NAA11: variants seen among roughly 807,000 people sequenced by gnomAD.
NAA11 encodes N-alpha-acetyltransferase 11, NatA catalytic subunit, also known as N-alpha-acetyltransferase 11.
In NAA11, 15 loss-of-function variants were observed where a neutral mutation model predicts 16.1. That is an observed-to-expected ratio of 0.93 (90% confidence interval 0.62 to 1.44). The LOEUF is 1.44. NAA11 is among the 40% of genes most tolerant of loss of function. The pLI, the probability that NAA11 is intolerant of heterozygous loss-of-function variation, is 0.00. For missense variants in NAA11, 298 were observed against 291.3 expected (o/e 1.02, Z -0.17); for synonymous variants, 122 against 112.4 (o/e 1.09, Z -0.54).
chr4:79,285,145 T>A (rs535361468), intron 2 of NAA11, among the ~76,000 whole-genome samples: 1 of 152,226 alleles, frequency 6.6e-6, no homozygotes, highest in African/African-American at 2.4e-5. Context: ...CAACTACTGC[T>A]TTCAACAAAA....
At chr4:79,181,121 C>A in the NAA11 span, among the ~76,000 whole-genome samples, 1 of 151,556 alleles carries the variant, frequency 6.6e-6, no homozygotes, top group Admixed American at 6.6e-5. Context: ...GGAGGTATAC[C>A]TAATGTAAAT....
downstream of NAA11, among the ~76,000 whole-genome samples, chr4:79,315,973 T>A (rs1723916290): frequency 6.6e-6 from 1 of 152,228 alleles, no homozygotes; most frequent in Non-Finnish European, 1.5e-5. Flanking sequence ...CCAATTGTTT[T>A]AGTAAATAAC....
At chr4:79,281,228 A>G (rs550275698) in intron 2 of NAA11, among the ~76,000 whole-genome samples, 4 of 151,900 alleles carry the variant, frequency 2.6e-5, no homozygotes, top group Non-Finnish European at 2.9e-5. Context: ...GCATTTAACT[A>G]TTACATTCTA....
chr4:79,161,487 G>A, the NAA11 span, among the ~76,000 whole-genome samples: 1 of 152,164 alleles, frequency 6.6e-6, no homozygotes, highest in Middle Eastern at 3.4e-3. Context: ...TTCCAAGGGT[G>A]TTTTTTGCTA....
the NAA11 span, among the ~76,000 whole-genome samples, chr4:79,158,221 C>T: frequency 6.6e-6 from 1 of 151,894 alleles, no homozygotes; most frequent in Non-Finnish European, 1.5e-5. Flanking sequence ...AGATCTTATG[C>T]CTCCAAAAAG....
intron 2 of NAA11, among the ~76,000 whole-genome samples, chr4:79,291,436 G>A (rs116273715): frequency 0.042 from 6,353 of 152,068 alleles, 486 homozygotes; most frequent in African/African-American, 0.15. Flanking sequence ...CTACTCCAGC[G>A]TGAGCAAAAG....
chr4:79,157,029 C>A, the NAA11 span, among the ~76,000 whole-genome samples: 89 of 152,238 alleles, frequency 5.8e-4, no homozygotes, highest in Non-Finnish European at 8.7e-4. Context: ...GTAGTAGATT[C>A]CTATTTTTTT....
chr4:79,300,808 G>A (rs929141295), intron 1 of NAA11, among the ~76,000 whole-genome samples: 2 of 152,144 alleles, frequency 1.3e-5, no homozygotes, highest in Non-Finnish European at 2.9e-5. Flanking sequence ...CATTAGAAAG[G>A]ATAAGCTAGA....
chr4:79,182,668 G>A, the NAA11 span, among the ~76,000 whole-genome samples: 7 of 152,024 alleles, frequency 4.6e-5, no homozygotes, highest in African/African-American at 9.7e-5. Context: ...ACTAATGAGC[G>A]CTTCACTCAT....
At chr4:79,156,293 TA>T in the NAA11 span, among the ~76,000 whole-genome samples, 1 of 151,394 alleles carries the variant, frequency 6.6e-6, no homozygotes, top group African/African-American at 2.4e-5. Context: ...ATATTAGAGT[TA>T]TAGAACCAAT....
intron 2 of NAA11, among the ~76,000 whole-genome samples, chr4:79,260,331 T>C (rs1209066969): frequency 6.6e-6 from 1 of 152,238 alleles, no homozygotes; most frequent in African/African-American, 2.4e-5. Flanking sequence ...TCTGTTTTAA[T>C]GTGAGGATCT....
At chr4:79,238,674 C>T (rs992774138) in intron 2 of NAA11, among the ~76,000 whole-genome samples, 2 of 152,172 alleles carry the variant, frequency 1.3e-5, no homozygotes, top group Admixed American at 6.5e-5. Flanking sequence ...AAAAGGAACA[C>T]AAATAAAAAA....
intron 2 of NAA11, among the ~76,000 whole-genome samples, chr4:79,248,642 C>T (rs1217352434): frequency 2.0e-5 from 3 of 152,146 alleles, no homozygotes; most frequent in African/African-American, 7.2e-5. Context: ...GAACAATGGC[C>T]CCACTCCCCA....
At chr4:79,283,912 T>C (rs1018137263) in intron 2 of NAA11, among the ~76,000 whole-genome samples, 5 of 152,150 alleles carry the variant, frequency 3.3e-5, no homozygotes, top group South Asian at 2.1e-4. Flanking sequence ...ATTGGAATTA[T>C]ATTTTTTCCT....
the NAA11 span, among the ~76,000 whole-genome samples, chr4:79,213,799 T>C: frequency 6.6e-6 from 1 of 152,312 alleles, no homozygotes; most frequent in Admixed American, 6.5e-5. Flanking sequence ...TTGGTTATGC[T>C]TAGAACTAGC....
At chr4:79,165,947 GA>G in the NAA11 span, among the ~76,000 whole-genome samples, 1 of 116,972 alleles carries the variant, frequency 8.5e-6, no homozygotes. Flanking sequence ...AGCCTTTAAA[GA>G]AGGATGACTT....
intron 2 of NAA11, among the ~76,000 whole-genome samples, chr4:79,237,754 C>T (rs748982187): frequency 2.0e-5 from 3 of 152,290 alleles, no homozygotes; most frequent in Admixed American, 6.5e-5. Flanking sequence ...GATCTTCAAA[C>T]GTTTACTTCC....
chr4:79,311,692 T>A (rs1723774576), downstream of NAA11, among the ~76,000 whole-genome samples: 1 of 152,104 alleles, frequency 6.6e-6, no homozygotes, highest in African/African-American at 2.4e-5. Context: ...TCTGTGATAC[T>A]ACTACCTATT....
At chr4:79,172,402 G>GA in the NAA11 span, among the ~76,000 whole-genome samples, 2 of 151,822 alleles carry the variant, frequency 1.3e-5, no homozygotes, top group African/African-American at 2.4e-5. Context: ...TTTTCCAAGG[G>GA]AAAAAACAGT....
Sources: allele counts gnomAD v4.1 joint callset (sites outside exome capture counted in the v4.1 genomes callset), GRCh38; gene constraint gnomAD v4.1.1; transcripts MANE v1.5; gene names NCBI Gene and HGNC (gene_info 2026-07-23, HGNC 2026-07-21).